Variants in TXNDC11 observed in about 807,000 individuals in gnomAD.
TXNDC11 encodes the protein thioredoxin domain-containing protein 11.
TXNDC11 carries 68 observed loss-of-function variants against 78.0 expected under a neutral mutation model. The observed-to-expected ratio is 0.87, with a 90% CI of 0.72 to 1.07. TXNDC11 has a LOEUF of 1.07. Among genes scored for constraint, TXNDC11 ranks in the 50% least tolerant of loss-of-function variants. TXNDC11 has a pLI of 0.00. For synonymous variants in TXNDC11, 571 were observed against 495.2 expected (o/e 1.15, Z -2.03); for missense variants, 1,389 against 1,221.8 (o/e 1.14, Z -2.04).
At chr16:11,687,313 C>T (rs756695287) in intron 10 of TXNDC11, among the ~76,000 whole-genome samples, 4 of 152,110 alleles carry the variant, frequency 2.6e-5, no homozygotes, top group Non-Finnish European at 5.9e-5. Flanking sequence ...GTTTTCCTCA[C>T]CCAAAACTGC....
chr16:11,742,591 C>T lies in TXNDC11; in HGVS notation c.140G>A (p.Arg47Gln), dbSNP rs1390556227. ...PTLATASSAGRLRRGLRGAFL... is the reference protein window; with the variant it reads ...PTLATASSAGQLRRGLRGAFL... The stretch of plus-strand genomic sequence containing the variant: ...GGCGCCACGCAGCCCGCGACGGAGC[C>T]GGCCCGCCGAGGACGCTGTGGCCAG... Residue 47 changes from arginine to glutamine, a missense_variant, in exon 1 of 12, where the codon CGG becomes CAG. Transcript: ENST00000283033. 2.7e-6 allele frequency: 4 copies of T among 1,457,218 alleles called. No homozygotes were observed. Among genetic ancestry groups the T allele is most frequent in the African/African-American group, 1.5e-5 (1 of 67,744 alleles). The allele number at this position is 1,457,218 out of a possible 1,614,324, so 90.3% of individuals were successfully genotyped here.
intron 7 of TXNDC11, among the ~76,000 whole-genome samples, chr16:11,695,159 C>G (rs2050826152): frequency 6.6e-6 from 1 of 152,186 alleles, no homozygotes; most frequent in Non-Finnish European, 1.5e-5. Context: ...CTAGAACTCT[C>G]TAGAGACACC....
chr16:11,729,377 T>C (rs1186532130), intron 4 of TXNDC11, among the ~76,000 whole-genome samples: 1 of 152,198 alleles, frequency 6.6e-6, no homozygotes, highest in Non-Finnish European at 1.5e-5. Flanking sequence ...TAAGGAATAT[T>C]TACTCTGATG....
At chr16:11,683,202 C>T (rs2050474578) in intron 11 of TXNDC11, among the ~76,000 whole-genome samples, 1 of 152,224 alleles carries the variant, frequency 6.6e-6, no homozygotes, top group African/African-American at 2.4e-5. Context: ...TCTACGTTTA[C>T]TAACTGGAAG....
At chr16:11,703,507 G>GATACACACAC (rs1555485361) in intron 5 of TXNDC11, among the ~76,000 whole-genome samples, 6 of 107,748 alleles carry the variant, frequency 5.6e-5, no homozygotes, top group African/African-American at 2.6e-4. Context: ...TAAGGCTTTT[G>GATACACACAC]ATACACACAC....
At chr16:11,739,219 G>A (rs1053520203) in intron 1 of TXNDC11, among the ~76,000 whole-genome samples, 5 of 152,174 alleles carry the variant, frequency 3.3e-5, no homozygotes, top group East Asian at 1.9e-4. Context: ...AGAAACGCTC[G>A]CCTCTACTCC....
intron 1 of TXNDC11, among the ~76,000 whole-genome samples, chr16:11,738,549 AGGGCAT>A (rs2052295063): frequency 6.6e-6 from 1 of 152,182 alleles, no homozygotes; most frequent in African/African-American, 2.4e-5. Context: ...GATGTACAGA[AGGGCAT>A]GGTAGCTCCT....
chr16:11,712,614 C>CT (rs758369905), intron 5 of TXNDC11, among the ~76,000 whole-genome samples: 3 of 152,054 alleles, frequency 2.0e-5, no homozygotes, highest in Non-Finnish European at 4.4e-5. Context: ...ACCTCACGTG[C>CT]TGAGAGGATC....
Position 11,695,156 on chromosome 16 carries a change from T to C in TXNDC11, c.1107+2969A>G, listed in dbSNP as rs2050826074. On this transcript the variant is annotated intron_variant, in intron 7 of 11. Transcript: ENST00000283033. Reference sequence around the variant, plus strand: ...TGATGTCTTATAACCTCTCTAGAACTCTCTAGAGACACCAGGGTGTCAGTG... The same window carrying C: ...TGATGTCTTATAACCTCTCTAGAACCCTCTAGAGACACCAGGGTGTCAGTG... Among the ~76,000 whole-genome samples, 3 of 152,138 alleles carry C rather than the reference T, an allele frequency of 2.0e-5. No homozygotes were observed. In the South Asian group the frequency reaches 6.2e-4, roughly 31 times the overall value.
chr16:11,697,797 A>C (rs1040944080), intron 7 of TXNDC11, among the ~76,000 whole-genome samples: 3 of 152,110 alleles, frequency 2.0e-5, no homozygotes, highest in Admixed American at 2.0e-4. Flanking sequence ...TTCACCCCCT[A>C]AACAGGAAGC....
chr16:11,708,780 A>G (rs2051254941), intron 5 of TXNDC11, among the ~76,000 whole-genome samples: 2 of 152,252 alleles, frequency 1.3e-5, no homozygotes, highest in African/African-American at 4.8e-5. Flanking sequence ...ACCAAAAGGC[A>G]AACCTGTATC....
chr16:11,683,524 G>A (rs1175395339), intron 11 of TXNDC11, among the ~76,000 whole-genome samples: 1 of 152,108 alleles, frequency 6.6e-6, no homozygotes, highest in Non-Finnish European at 1.5e-5. Flanking sequence ...ATTCTCTGCT[G>A]TTTTGCCCCA....
chr16:11,688,122 C>A (rs965343688), intron 9 of TXNDC11, among the ~76,000 whole-genome samples, 156 bp from the exon 10 acceptor site: 6 of 152,186 alleles, frequency 3.9e-5, no homozygotes, highest in African/African-American at 1.4e-4. Context: ...CAATACTGTG[C>A]TTTCTGGAGC....
At chr16:11,738,401 C>G (rs2052290357) in intron 1 of TXNDC11, among the ~76,000 whole-genome samples, 1 of 152,216 alleles carries the variant, frequency 6.6e-6, no homozygotes. Context: ...GCTTTGGGCA[C>G]AAGCACTAAG....
chr16:11,680,599 A>G (rs1050681128), intron 11 of TXNDC11, among the ~76,000 whole-genome samples: 3 of 152,164 alleles, frequency 2.0e-5, no homozygotes, highest in Non-Finnish European at 2.9e-5. Context: ...TTTCTCTCAC[A>G]TATCTATTTA....
At chr16:11,706,518 C>G (rs1043879612) in intron 5 of TXNDC11, among the ~76,000 whole-genome samples, 2 of 152,216 alleles carry the variant, frequency 1.3e-5, no homozygotes, top group African/African-American at 4.8e-5. Context: ...GTGCTTTGAG[C>G]AGAAATGGTC....
chr16:11,717,067 A>T (rs1031269992), intron 5 of TXNDC11, among the ~76,000 whole-genome samples: 6 of 151,954 alleles, frequency 3.9e-5, no homozygotes, highest in Admixed American at 2.0e-4. Flanking sequence ...TTTAAATTTA[A>T]AAAAGAAGAA....
chr16:11,727,889 G>T (rs2051931492), intron 4 of TXNDC11, among the ~76,000 whole-genome samples: 1 of 152,174 alleles, frequency 6.6e-6, no homozygotes, highest in African/African-American at 2.4e-5. Context: ...TGCCCCCTGA[G>T]GGGTATTTGG....
intron 5 of TXNDC11, among the ~76,000 whole-genome samples, chr16:11,716,014 T>C (rs1383069357): frequency 6.6e-6 from 1 of 152,262 alleles, no homozygotes; most frequent in East Asian, 1.9e-4. Flanking sequence ...AAGTATTTCA[T>C]GATTTGACCT....
Sources: gnomAD v4.1 joint callset for allele counts (sites outside exome capture counted in the v4.1 genomes callset) on GRCh38, gnomAD v4.1.1 for gene constraint, MANE v1.5 for transcripts, NCBI Gene and HGNC (gene_info 2026-07-23, HGNC 2026-07-21) for gene names.